SDC1: variants seen among roughly 807,000 people sequenced by gnomAD.
SDC1 encodes syndecan-1.
A neutral mutation model predicts 29.7 loss-of-function variants in SDC1; 14 were observed. That is an observed-to-expected ratio of 0.47 (90% confidence interval 0.31 to 0.74). The LOEUF is 0.74. Ranked by LOEUF, SDC1 falls within the 30% of genes least tolerant of loss-of-function variation. The pLI is 0.05. For synonymous variants in SDC1, 204 were observed against 175.5 expected (o/e 1.16, Z -1.29); for missense variants, 406 against 400.3 (o/e 1.01, Z -0.12).
Position 20,204,035 on chromosome 2 carries a change from A to G in SDC1, c.405T>C (p.His135=), listed in dbSNP as rs370223328. The part of the protein sequence containing the change: ...PRETTQLPTT[H]LASTTTATTA... ...TGGTGGCTGTGGTCGTTGAGGCCAG[A>G]TGAGTGGTCGGGAGCTGTGTGGTCT... is the stretch of plus-strand genomic sequence containing the variant. The change falls in exon 3 of 5, where the codon CAT becomes CAC. Residue 135 remains histidine (H), a synonymous_variant. Coordinates refer to ENST00000254351, the MANE Select transcript of SDC1 (RefSeq NM_002997.5). 24 of 1,612,126 alleles carry G rather than the reference A, an allele frequency of 1.5e-5. No homozygotes were observed. In the African/African-American group the frequency reaches 2.7e-4, roughly 18 times the overall value.
rs1418539521 is a variant in SDC1 at position 20,200,842 on chromosome 2, CCCA to C, written c.*1921_*1923del. 1 of 152,302 alleles carries C rather than the reference CCCA, an allele frequency of 6.6e-6. No homozygotes were observed. Among genetic ancestry groups the C allele is most frequent in the Non-Finnish European group, 1.5e-5 (1 of 68,080 alleles). The allele number at this position is 152,302 out of a possible 1,614,324, so 9.4% of individuals were successfully genotyped here. On this transcript the variant is annotated 3_prime_UTR_variant, in exon 5 of 5. Transcript: ENST00000254351. ...CGTTTATTGTCGTTACACAAATGAA[CCCA>C]GCCTCTGGCTTGGGCACCGTCCCAC...
chr2:20,207,178 G>A (rs1377112125), intron 1 of SDC1, among the ~76,000 whole-genome samples: 1 of 152,270 alleles, frequency 6.6e-6, no homozygotes, highest in Admixed American at 6.5e-5. Context: ...CAGACCAGGT[G>A]GAGGCTCCAC....
In SDC1 at chr2:20,224,740, A is replaced by T; in HGVS notation, c.66+62T>A. On this transcript the variant is annotated intron_variant, in intron 1 of 4. Transcript: ENST00000254351. This position sits in a 1 kb window ranked among gnomAD's most constrained non-coding sequence, Gnocchi z 4.9. ...TCCCCCTCCACGTGCACCCGCCGGC[A>T]TCCGCGGGTGACCAGTCCCGGCTTC... is the stretch of plus-strand genomic sequence containing the variant. 1 of 1,258,868 alleles carries T rather than the reference A, an allele frequency of 7.9e-7. No homozygotes were observed. Among genetic ancestry groups the T allele is most frequent in the Non-Finnish European group, 1.0e-6 (1 of 999,532 alleles). 78.0% of individuals were successfully genotyped at this position (1,258,868 alleles called of 1,614,324 possible).
At chr2:20,213,916 T>A (rs1051649581) in intron 1 of SDC1, among the ~76,000 whole-genome samples, 1 of 152,180 alleles carries the variant, frequency 6.6e-6, no homozygotes, top group African/African-American at 2.4e-5. Context: ...AAGCTCCAAC[T>A]TTATTACCAA....
chr2:20,217,543 G>A (rs1157394067), intron 1 of SDC1, among the ~76,000 whole-genome samples: 1 of 152,162 alleles, frequency 6.6e-6, no homozygotes, highest in Non-Finnish European at 1.5e-5. Context: ...TCACAGATGG[G>A]TTCACTGAGA....
intron 1 of SDC1, among the ~76,000 whole-genome samples, chr2:20,210,223 C>CGT (rs1677421635): frequency 6.6e-6 from 1 of 152,174 alleles, no homozygotes. Context: ...CACCTGTACT[C>CGT]CCAGCTACTT....
chr2:20,205,324 G>T lies in SDC1; in HGVS notation c.148+19C>A. 3 of 1,602,774 alleles carry T rather than the reference G, an allele frequency of 1.9e-6. No homozygotes were observed. The highest frequency in any genetic ancestry group is 2.6e-6 in the Non-Finnish European group (3 of 1,170,446). The stretch of plus-strand genomic sequence containing the variant: ...CCTGTTGCCGTCTTGGGTGGGGGGG[G>T]CCCCCATGACAACCTCACCTGCACC... On this transcript the variant is annotated intron_variant, in intron 2 of 4. Transcript: ENST00000254351.
rs147355815 is a variant in SDC1 at position 20,207,343 on chromosome 2, A to G, written c.67-1919T>C. ...ACCCTAGAAGGGCAATTCATAGCCC[A>G]TCTACAGTAACAAGTCACATTCCGC... On this transcript the variant is annotated intron_variant, in intron 1 of 4. Transcript: ENST00000254351. 1.3e-3 allele frequency: 1,194 copies of G among 920,612 alleles called. 12 individuals carry two copies. The African/African-American group carries it at 0.02, about 15-fold the overall frequency. 57.0% of individuals were successfully genotyped at this position (920,612 alleles called of 1,614,324 possible).
chr2:20,212,712 C>T (rs1326081140), intron 1 of SDC1, among the ~76,000 whole-genome samples: 7 of 152,034 alleles, frequency 4.6e-5, no homozygotes, highest in Admixed American at 6.6e-5. Flanking sequence ...GTGATGGGCC[C>T]GGCCCAGGGC....
At chr2:20,218,978 A>G (rs1558438036) in intron 1 of SDC1, among the ~76,000 whole-genome samples, 1 of 152,180 alleles carries the variant, frequency 6.6e-6, no homozygotes, top group Non-Finnish European at 1.5e-5. Context: ...CCAGGAGGTC[A>G]GAGACCCTTG....
At chr2:20,218,452 G>A (rs1470802179) in intron 1 of SDC1, among the ~76,000 whole-genome samples, 1 of 152,276 alleles carries the variant, frequency 6.6e-6, no homozygotes, top group Non-Finnish European at 1.5e-5. Flanking sequence ...ACAGGGGAAG[G>A]CAAGTCAGGA....
intron 1 of SDC1, chr2:20,223,273 C>G (rs997967226): frequency 2.2e-5 from 29 of 1,299,490 alleles, no homozygotes; most frequent in Non-Finnish European, 2.8e-5. Flanking sequence ...TCCCATGAGA[C>G]AGACTCTGTA....
intron 1 of SDC1, among the ~76,000 whole-genome samples, chr2:20,214,962 G>C (rs978008255): frequency 1.3e-5 from 2 of 152,198 alleles, no homozygotes; most frequent in African/African-American, 2.4e-5. Context: ...ACATTTTACA[G>C]ATGAGAAAAT....
chr2:20,225,131 G>A (rs188732013), upstream of SDC1: 2,539 of 283,990 alleles, frequency 8.9e-3, 63 homozygotes, highest in African/African-American at 0.051. Flanking sequence ...TGCAAAAACT[G>A]GCCCCCCACC....
rs146919419 is a variant in SDC1, at chr2:20,211,020, C to G, written c.67-5596G>C. On this transcript the variant is annotated intron_variant, in intron 1 of 4. Coordinates refer to ENST00000254351, the MANE Select transcript of SDC1 (RefSeq NM_002997.5). ...CTCTCCCCTCCCCTAGACTTCAGGA[C>G]TCTTGGGGGCTGATATCTCTGAGCT... Among the ~76,000 whole-genome samples the G allele has an allele frequency of 9.2e-4, 140 of 152,302 alleles. 1 individual carries two copies. The highest frequency in any genetic ancestry group is 2.1e-3 in the South Asian group (10 of 4,822).
chr2:20,213,617 G>A (rs965269454), intron 1 of SDC1, among the ~76,000 whole-genome samples: 1 of 152,160 alleles, frequency 6.6e-6, no homozygotes, highest in Non-Finnish European at 1.5e-5. Flanking sequence ...CCCTCCCCCA[G>A]CCCTGTCTGC....
chr2:20,204,466 C>T (rs1309187473), intron 2 of SDC1, among the ~76,000 whole-genome samples, 175 bp from the exon 3 acceptor site: 1 of 152,050 alleles, frequency 6.6e-6, no homozygotes, highest in African/African-American at 2.4e-5. Flanking sequence ...GGAAAATGGA[C>T]AAGGAGAGCT....
At chr2:20,223,331 G>A in intron 1 of SDC1, 3 of 1,280,054 alleles carry the variant, frequency 2.3e-6, no homozygotes, top group East Asian at 5.6e-5. Flanking sequence ...TACTACACGA[G>A]GCAACGCTTA....
chr2:20,223,554 G>A (rs1677890035), intron 1 of SDC1, among the ~76,000 whole-genome samples: 3 of 152,196 alleles, frequency 2.0e-5, no homozygotes, highest in African/African-American at 7.2e-5. Context: ...CCTGGGGATG[G>A]CCGAGCCGGC....
Sources: allele counts gnomAD v4.1 joint callset (sites outside exome capture counted in the v4.1 genomes callset), GRCh38; gene constraint gnomAD v4.1.1; non-coding constraint Gnocchi (gnomAD v3.1); transcripts MANE v1.5; gene names NCBI Gene and HGNC (gene_info 2026-07-23, HGNC 2026-07-21).